Variants in ALG5 observed in about 807,000 individuals in gnomAD.
ALG5 encodes the protein ALG5 dolichyl-phosphate beta-glucosyltransferase.
Under a neutral mutation model 51.8 loss-of-function variants are expected in ALG5, and 26 were observed. The ratio of observed to expected loss-of-function variants is 0.50; its 90% confidence interval spans 0.37 to 0.70. The LOEUF is 0.70. Among genes scored for constraint, ALG5 ranks in the 30% least tolerant of loss-of-function variants. The pLI is 0.00. For synonymous variants in ALG5, 141 were observed against 136.1 expected, an observed-to-expected ratio of 1.04 and a Z score of -0.25; for missense variants, 311 against 399.3, an observed-to-expected ratio of 0.78 and a Z score of 1.88.
intron 6 of ALG5, among the ~76,000 whole-genome samples, chr13:36,981,219 C>G (rs541219997): frequency 6.6e-6 from 1 of 152,022 alleles, no homozygotes; most frequent in South Asian, 2.1e-4. Context: ...TAATAAATTT[C>G]TTTTTGTAGT....
chr13:36,984,519 T>C (rs1426739227), intron 6 of ALG5, among the ~76,000 whole-genome samples: 1 of 83,478 alleles, frequency 1.2e-5, no homozygotes, highest in Admixed American at 1.5e-4. Context: ...ATTTTGTCCT[T>C]TTCCTTGGAT....
chr13:36,973,131 G>GA (rs371665798), intron 6 of ALG5, among the ~76,000 whole-genome samples: 2 of 144,588 alleles, frequency 1.4e-5, no homozygotes, highest in Non-Finnish European at 3.0e-5. Context: ...ATAGTGGTGA[G>GA]AAAATAAAAA....
Position 36,993,649 on chromosome 13 carries a change from A to G in ALG5, c.309T>C (p.Tyr103=), listed in dbSNP as rs1593687066. The stretch of plus-strand genomic sequence containing the variant: ...TGCCATCATCAACTACTATCACTTC[A>G]TAAGTGAACGCAGGATCTCGTTTCT... ...KRQKRDPAFT[Y]EVIVVDDGSK... is the part of the protein sequence containing the mutation. The change falls in exon 4 of 10, where the codon TAT becomes TAC. Residue 103 remains tyrosine, a synonymous_variant. Transcript: ENST00000239891. The G allele has an allele frequency of 5.0e-6, 8 of 1,613,642 alleles. No individual in the cohort carries two copies. Among genetic ancestry groups the G allele is most frequent in the South Asian group, 1.1e-5 (1 of 91,074 alleles).
intron 9 of ALG5, 83 bp downstream of exon 9, chr13:36,952,431 A>C: frequency 1.1e-6 from 1 of 942,148 alleles, no homozygotes; most frequent in Non-Finnish European, 1.6e-6. Context: ...GAGGGGAGCA[A>C]GGAGAACATT....
intron 8 of ALG5, 139 bp downstream of exon 8, chr13:36,965,436 G>C (rs999855599): frequency 7.4e-5 from 65 of 882,816 alleles, no homozygotes; most frequent in Non-Finnish European, 1.0e-4. Flanking sequence ...AAGTATAAAG[G>C]CAAGATCAAG....
Position 36,993,597 on chromosome 13 carries a change from T to C in ALG5, c.354+7A>G. On this transcript the variant is annotated splice_region_variant and intron_variant, in intron 4 of 9. Coordinates refer to ENST00000239891, the MANE Select transcript of ALG5 (RefSeq NM_013338.5). ...CTATTGTCAATTCTAAAAGCAAGTG[T>C]ATTTACCTTTGAGGTCTGATCTTTA... The C allele has an allele frequency of 1.2e-6, 2 of 1,609,552 alleles. No individual in the cohort carries two copies. The highest frequency in any genetic ancestry group is 1.7e-6 in the Non-Finnish European group (2 of 1,176,080).
intron 6 of ALG5, among the ~76,000 whole-genome samples, chr13:36,984,555 C>A (rs1226077086): frequency 6.6e-6 from 1 of 152,054 alleles, no homozygotes; most frequent in Non-Finnish European, 1.5e-5. Flanking sequence ...CTTTTGTATG[C>A]AACTTTAATT....
intron 7 of ALG5, chr13:36,967,667 C>G: frequency 2.2e-6 from 1 of 450,136 alleles, no homozygotes; most frequent in South Asian, 1.7e-5. Context: ...GTAAATATGT[C>G]TTACCTCTCT....
At chr13:36,969,868 T>C (rs1426897936) in intron 7 of ALG5, among the ~76,000 whole-genome samples, 1 of 152,114 alleles carries the variant, frequency 6.6e-6, no homozygotes, top group Non-Finnish European at 1.5e-5. Flanking sequence ...ACTGTATTTA[T>C]AATATCATAC....
chr13:36,960,755 C>T (rs1031380344), intron 8 of ALG5, among the ~76,000 whole-genome samples: 14 of 151,896 alleles, frequency 9.2e-5, no homozygotes, highest in African/African-American at 3.4e-4. Flanking sequence ...GATTCTTCTG[C>T]CTCAGTGCCC....
chr13:36,986,619 C>G (rs1487758193), intron 5 of ALG5, among the ~76,000 whole-genome samples: 2 of 152,042 alleles, frequency 1.3e-5, no homozygotes, highest in African/African-American at 4.8e-5. Flanking sequence ...TTTAATCACA[C>G]CCATTAGAAC....
At chr13:36,985,866 C>A in intron 5 of ALG5, 126 bp from the exon 6 acceptor site, 1 of 525,338 alleles carries the variant, frequency 1.9e-6, no homozygotes, top group Non-Finnish European at 3.3e-6. Context: ...CTGAAGGAGG[C>A]CAGAGTTCAC....
chr13:36,981,298 T>C (rs2058978241), intron 6 of ALG5, among the ~76,000 whole-genome samples: 1 of 152,096 alleles, frequency 6.6e-6, no homozygotes, highest in South Asian at 2.1e-4. Flanking sequence ...AGAAATGACT[T>C]AAATGGTCAA....
At chr13:36,967,450 A>G (rs1184705781) in intron 7 of ALG5, among the ~76,000 whole-genome samples, 3 of 152,148 alleles carry the variant, frequency 2.0e-5, no homozygotes, top group Non-Finnish European at 4.4e-5. Flanking sequence ...TGGCACAGAA[A>G]ATAACAGGAA....
chr13:36,961,215 G>C (rs932617851), intron 8 of ALG5, among the ~76,000 whole-genome samples: 2 of 151,730 alleles, frequency 1.3e-5, no homozygotes, highest in African/African-American at 4.8e-5. Flanking sequence ...CAGGATTTTG[G>C]GACCAGCCTG....
At chr13:36,950,205 C>T in intron 9 of ALG5, 148 bp from the exon 10 acceptor site, 1 of 536,976 alleles carries the variant, frequency 1.9e-6, no homozygotes, top group Non-Finnish European at 3.3e-6. Context: ...AATTTCAAAG[C>T]TGAAGTGAGT....
chr13:36,995,386 C>T (rs1433498797), intron 2 of ALG5, 39 bp downstream of exon 2: 4 of 1,569,426 alleles, frequency 2.5e-6, no homozygotes, highest in Non-Finnish European at 3.4e-6. Context: ...TTTTCTTTTC[C>T]AAACTACCCT....
intron 3 of ALG5, among the ~76,000 whole-genome samples, chr13:36,994,054 T>C (rs2059037684): frequency 6.6e-6 from 1 of 152,188 alleles, no homozygotes; most frequent in South Asian, 2.1e-4. Flanking sequence ...CAGCATTTCT[T>C]AGCCTAATGA....
At chr13:36,955,160 A>G (rs1313941938) in intron 8 of ALG5, among the ~76,000 whole-genome samples, 3 of 152,180 alleles carry the variant, frequency 2.0e-5, no homozygotes, top group African/African-American at 7.2e-5. Flanking sequence ...CACAGCTCCT[A>G]GGCAGGAGAT....
Sources: gnomAD v4.1 joint callset for allele counts (sites outside exome capture counted in the v4.1 genomes callset) on GRCh38, gnomAD v4.1.1 for gene constraint, MANE v1.5 for transcripts, NCBI Gene and HGNC (gene_info 2026-07-23, HGNC 2026-07-21) for gene names.